The following SUN1 variants were observed in gnomAD, a reference collection of about 807,000 sequenced individuals.
SUN1 encodes Sad1 and UNC84 domain containing 1.
A neutral mutation model predicts 103.2 loss-of-function variants in SUN1; 61 were observed. The observed-to-expected ratio is 0.59, with a 90% confidence interval of 0.48 to 0.73. SUN1 has a LOEUF of 0.73. Among genes scored for constraint, SUN1 ranks in the 30% least tolerant of loss-of-function variants. SUN1 has a pLI of 0.00. For synonymous variants in SUN1, 490 were observed against 425.7 expected, an observed-to-expected ratio of 1.15 and a Z score of -1.86; for missense variants, 1,052 against 1,034.6, an observed-to-expected ratio of 1.02 and a Z score of -0.23.
At chr7:844,032 G>A (rs1812722250) in intron 5 of SUN1, among the ~76,000 whole-genome samples, 1 of 152,208 alleles carries the variant, frequency 6.6e-6, no homozygotes, top group Non-Finnish European at 1.5e-5. Context: ...GGTTTGTTCT[G>A]GGACAGCAGC....
At chr7:835,201 C>G (rs1801871638) in intron 1 of SUN1, among the ~76,000 whole-genome samples, 1 of 152,256 alleles carries the variant, frequency 6.6e-6, no homozygotes, top group African/African-American at 2.4e-5. Flanking sequence ...TCTTCCGCCC[C>G]CACCCAGCAC....
intron 1 of SUN1, among the ~76,000 whole-genome samples, chr7:819,184 G>C (rs1783713002): frequency 6.9e-6 from 1 of 143,988 alleles, no homozygotes; most frequent in African/African-American, 2.6e-5. Context: ...TTTTAAATTG[G>C]GTTGCCTCTT....
At chr7:855,340 C>G (rs374881724) in intron 11 of SUN1, among the ~76,000 whole-genome samples, 1 of 152,254 alleles carries the variant, frequency 6.6e-6, no homozygotes. Flanking sequence ...ACACACCCAC[C>G]TTGCAGTGTC....
chr7:818,741 C>T (rs1055603138), intron 1 of SUN1, among the ~76,000 whole-genome samples: 3 of 152,094 alleles, frequency 2.0e-5, no homozygotes, highest in Non-Finnish European at 2.9e-5. Flanking sequence ...TCTGAAGTGG[C>T]GTCTCATTTG....
At position 843,196 on chromosome 7, in the gene SUN1, T is replaced by G; in HGVS notation, c.452-10T>G. Reference sequence around the variant, plus strand: ...CAAAAATGTGTGTGTGTGTGTGTTTTTTTTTTTAGGTCTTGATGATGATGG... The same window carrying G: ...CAAAAATGTGTGTGTGTGTGTGTTTGTTTTTTTAGGTCTTGATGATGATGG... On this transcript the variant is annotated splice_polypyrimidine_tract_variant and intron_variant, in intron 3 of 18. Coordinates refer to ENST00000401592, the MANE Select transcript of SUN1 (RefSeq NM_001130965.3). 2.5e-6 allele frequency: 4 copies of G among 1,608,188 alleles called. No individual in the cohort carries two copies. Among genetic ancestry groups the G allele is most frequent in the Admixed American group, 1.7e-5 (1 of 59,654 alleles).
intron 12 of SUN1, among the ~76,000 whole-genome samples, chr7:856,778 C>T (rs1443115104): frequency 1.3e-5 from 2 of 152,168 alleles, no homozygotes; most frequent in Non-Finnish European, 2.9e-5. Context: ...ACCGGGCCTC[C>T]GCTGGCACCG....
At chr7:826,698 A>G (rs193159528) in intron 1 of SUN1, among the ~76,000 whole-genome samples, 30 of 152,258 alleles carry the variant, frequency 2.0e-4, no homozygotes, top group Non-Finnish European at 8.8e-5. Context: ...CAGGTTCCCC[A>G]CGGTTTCTGA....
Position 860,173 on chromosome 7 carries a change from G to T in SUN1, c.1570G>T (p.Asp524Tyr), listed in dbSNP as rs1382420030. Reference sequence around the variant, plus strand: ...AATGGTGAAACTCCTGTTTTCCGAAGATCAGCAAGGCGGTTCTCTGGAACA... The same window carrying T: ...AATGGTGAAACTCCTGTTTTCCGAATATCAGCAAGGCGGTTCTCTGGAACA... Reference protein sequence around the residue: ...REMVKLLFSEDQQGGSLEQLL... With the variant: ...REMVKLLFSEYQQGGSLEQLL... Residue 524 changes from aspartate to tyrosine, a missense_variant, in exon 14 of 19, where the codon GAT becomes TAT. Asp to Tyr is a radical substitution (Grantham distance 160). Around this residue, in one of 2 missense-constraint regions of SUN1, gnomAD observed 846 missense variants for 774.5 expected, o/e 1.09. Transcript: ENST00000401592. The T allele has an allele frequency of 6.2e-7, 1 of 1,614,120 alleles. No individual in the cohort carries two copies. The highest frequency in any genetic ancestry group is 1.3e-5 in the African/African-American group (1 of 74,942).
At position 870,093 on chromosome 7, in the gene SUN1, A is replaced by G. The variant is rs553521501; in HGVS notation, c.2148+577A>G. On this transcript the variant is annotated intron_variant, in intron 17 of 18. Coordinates refer to ENST00000401592, the MANE Select transcript of SUN1 (RefSeq NM_001130965.3). ...TGGTGGCGCACGCCTGTAATCCCAGATACCTGGGAGGCTGAGGCAGAAGAA... is the reference window on the plus strand; with the variant it reads ...TGGTGGCGCACGCCTGTAATCCCAGGTACCTGGGAGGCTGAGGCAGAAGAA... Among the ~76,000 whole-genome samples, 4 of 151,690 alleles carry G rather than the reference A, an allele frequency of 2.6e-5. No homozygotes were observed. In the South Asian group the frequency reaches 8.3e-4, roughly 32 times the overall value.
Position 874,886 on chromosome 7 carries a change from T to C in SUN1, c.*1555T>C, listed in dbSNP as rs1843483687. 6.6e-6 allele frequency: 1 copy of C among 152,208 alleles called. No individual in the cohort carries two copies. Among genetic ancestry groups the C allele is most frequent in the African/African-American group, 2.4e-5 (1 of 41,454 alleles). 9.4% of individuals were successfully genotyped at this position (152,208 alleles called of 1,614,324 possible). On this transcript the variant is annotated 3_prime_UTR_variant, in exon 19 of 19. Coordinates refer to ENST00000401592, the MANE Select transcript of SUN1 (RefSeq NM_001130965.3). ...CTATTAAGAGGTTTAAATAAAGAGT[T>C]TTAATTTTTAAAAGGGCATGGGATA... is the stretch of plus-strand genomic sequence containing the variant.
At chr7:815,887 A>G (rs1329840350), upstream of SUN1, 9 of 225,756 alleles carry the variant, frequency 4.0e-5, no homozygotes, top group South Asian at 3.5e-4. Context: ...GGCGGCGGCC[A>G]GCAATGGGAG....
rs1843104517 is a variant in SUN1 at position 873,751 on chromosome 7, A to G, written c.*420A>G. 1 of 156,878 alleles carries G rather than the reference A, an allele frequency of 6.4e-6. No homozygotes were observed. The highest frequency in any genetic ancestry group is 6.5e-5 in the Admixed American group (1 of 15,502). 9.7% of individuals were successfully genotyped at this position (156,878 alleles called of 1,614,324 possible). A position where few individuals can be genotyped will look rare whatever the true frequency, so the allele number is the denominator to read the frequency against. On this transcript the variant is annotated 3_prime_UTR_variant, in exon 19 of 19. Coordinates refer to ENST00000401592, the MANE Select transcript of SUN1 (RefSeq NM_001130965.3). The stretch of plus-strand genomic sequence containing the variant: ...ATTTCATCTGTTAAATCCAACACAC[A>G]TTTCTTTCAGGGAAAAACAATGTCA...
intron 10 of SUN1, among the ~76,000 whole-genome samples, chr7:853,949 C>T (rs991461336): frequency 1.3e-5 from 2 of 152,014 alleles, no homozygotes; most frequent in African/African-American, 2.4e-5. Flanking sequence ...CAGGTCATGG[C>T]GCTCTGTCCC....
intron 5 of SUN1, among the ~76,000 whole-genome samples, chr7:848,792 G>A (rs1054701371): frequency 5.9e-5 from 9 of 152,100 alleles, no homozygotes; most frequent in African/African-American, 1.9e-4. Flanking sequence ...GGAACTTTTC[G>A]TTTGTTCTGT....
At chr7:855,232 AGCAGGGCT>A (rs1378334357) in intron 11 of SUN1, among the ~76,000 whole-genome samples, 16 of 152,186 alleles carry the variant, frequency 1.1e-4, no homozygotes, top group Non-Finnish European at 2.2e-4. Flanking sequence ...GAGGGCACAG[AGCAGGGCT>A]GCACACGCCA....
chr7:831,681 G>C (rs78447795), upstream of SUN1, among the ~76,000 whole-genome samples: 1,976 of 152,326 alleles, frequency 0.013, 21 homozygotes, highest in Non-Finnish European at 0.02. Context: ...TTATTTCAAA[G>C]AAGGTAGCAT....
rs749411003 is a variant in SUN1, at chr7:857,797, T to C, written c.1395-31T>C. ...GGAAGCGTATAGGCTGGGAGGCTTG[T>C]GTGTGACCCATTCTCACTGTTGGAT... is the stretch of plus-strand genomic sequence containing the variant. On this transcript the variant is annotated intron_variant, in intron 12 of 18. Transcript: ENST00000401592. 4 of 1,547,726 alleles carry C rather than the reference T, an allele frequency of 2.6e-6. No homozygotes were observed. The East Asian group carries it at 6.9e-5, about 27-fold the overall frequency.
In SUN1 at chr7:853,569, C is replaced by G. The variant is rs749218080; in HGVS notation, c.1214C>G (p.Ala405Gly). The G allele has an allele frequency of 2.5e-6, 4 of 1,610,300 alleles. No individual in the cohort carries two copies. In the Admixed American group the frequency reaches 6.7e-5, roughly 27 times the overall value. The part of the protein sequence containing the change: ...ARVDQMEGGA[A>G]GPSASVRDAV... ...GTGGACCAGATGGAAGGCGGCGCTG[C>G]CGGGCCGTCAGCTTCGGTCAGAGAC... Residue 405 changes from alanine (A) to glycine (G), a missense_variant, in exon 10 of 19, where the codon GCC becomes GGC. Around this residue, in one of 2 missense-constraint regions of SUN1, gnomAD observed 846 missense variants for 774.5 expected, o/e 1.09. Transcript: ENST00000401592.
intron 17 of SUN1, among the ~76,000 whole-genome samples, chr7:871,409 G>A (rs1841566690): frequency 6.6e-6 from 1 of 151,872 alleles, no homozygotes; most frequent in African/African-American, 2.4e-5. Context: ...TATTTTTTGA[G>A]ACCGAGTCTC....
Sources: gnomAD v4.1 joint callset for allele counts (sites outside exome capture counted in the v4.1 genomes callset) on GRCh38, gnomAD v4.1.1 for gene constraint, gnomAD v4.1.1 regional missense constraint, MANE v1.5 for transcripts, NCBI Gene and HGNC (gene_info 2026-07-23, HGNC 2026-07-21) for gene names.